Variants in ARHGAP20 observed in about 807,000 individuals in gnomAD.
ARHGAP20 encodes the protein Rho GTPase activating protein 20, also known as rho GTPase-activating protein 20.
ARHGAP20 carries 34 observed loss-of-function variants against 73.7 expected under a neutral mutation model. That is an observed-to-expected ratio of 0.46 (90% CI 0.35 to 0.61). ARHGAP20 has a LOEUF of 0.61. Ranked by LOEUF, ARHGAP20 falls within the 20% of genes least tolerant of loss-of-function variation. The pLI is 0.00. For missense variants in ARHGAP20, 1,314 were observed against 1,420.9 expected (o/e 0.92, Z 1.21); for synonymous variants, 523 against 518.2 (o/e 1.01, Z -0.13).
intron 1 of ARHGAP20, among the ~76,000 whole-genome samples, chr11:110,702,383 T>A (rs1002106059): frequency 6.6e-6 from 1 of 152,134 alleles, no homozygotes; most frequent in Admixed American, 6.5e-5. Flanking sequence ...ATGGGATGTA[T>A]CTCAAAATAA....
intron 10 of ARHGAP20, 61 bp downstream of exon 10, chr11:110,591,916 G>T: frequency 3.2e-6 from 5 of 1,543,224 alleles, no homozygotes; most frequent in Non-Finnish European, 4.4e-6. Flanking sequence ...GATTTACCTC[G>T]CAGAGCTCTC....
intron 1 of ARHGAP20, among the ~76,000 whole-genome samples, chr11:110,695,652 C>T (rs187771744): frequency 9.1e-4 from 137 of 151,324 alleles, no homozygotes; most frequent in African/African-American, 2.9e-3. Flanking sequence ...CACATTAGGA[C>T]GACTATAATA....
intron 1 of ARHGAP20, among the ~76,000 whole-genome samples, chr11:110,693,499 T>C (rs557622977): frequency 6.6e-6 from 1 of 152,092 alleles, no homozygotes; most frequent in Non-Finnish European, 1.5e-5. Context: ...AACCATACAT[T>C]TAGGATTCAC....
chr11:110,703,988 T>C (rs1188274180), intron 1 of ARHGAP20, among the ~76,000 whole-genome samples: 3 of 152,168 alleles, frequency 2.0e-5, no homozygotes, highest in East Asian at 1.9e-4. Context: ...AAGAGGCTAA[T>C]TGTCAGACAC....
intron 2 of ARHGAP20, among the ~76,000 whole-genome samples, chr11:110,652,365 T>C (rs537734429): frequency 1.3e-5 from 2 of 152,172 alleles, no homozygotes; most frequent in South Asian, 2.1e-4. Flanking sequence ...CTATTCAACA[T>C]AGTATCGGAA....
At chr11:110,692,263 T>C (rs369313749) in intron 1 of ARHGAP20, among the ~76,000 whole-genome samples, 5 of 152,216 alleles carry the variant, frequency 3.3e-5, no homozygotes, top group South Asian at 2.1e-4. Context: ...CACTTCCTCA[T>C]GTGAAGAGTC....
intron 3 of ARHGAP20, among the ~76,000 whole-genome samples, chr11:110,630,014 T>C (rs1261482751): frequency 6.6e-6 from 1 of 152,210 alleles, no homozygotes; most frequent in Non-Finnish European, 1.5e-5. Context: ...CACAGGTCCT[T>C]ATAACCTAAC....
In ARHGAP20 at chr11:110,697,933, T is replaced by C. The variant is rs573763664; in HGVS notation, c.106-7304A>G. 2.8e-4 allele frequency among the ~76,000 whole-genome samples: 42 copies of C among 151,760 alleles called. 1 individual carries two copies. The highest frequency in any genetic ancestry group is 5.0e-4 in the Non-Finnish European group (34 of 67,792). ...TCTTTTTTTGGTTCCATATGAACTT[T>C]AGGATTTTTTTCCTAATTGTGTGAA... is the stretch of plus-strand genomic sequence containing the variant. On this transcript the variant is annotated intron_variant, in intron 1 of 14. Coordinates refer to ENST00000683387, the MANE Select transcript of ARHGAP20 (RefSeq NM_001384657.1).
At chr11:110,685,532 T>G (rs1181040324) in intron 2 of ARHGAP20, among the ~76,000 whole-genome samples, 1 of 152,164 alleles carries the variant, frequency 6.6e-6, no homozygotes, top group African/African-American at 2.4e-5. Context: ...CCTCTCCTTA[T>G]GTACTCTAAG....
At chr11:110,584,035 G>A (rs1346944996) in intron 12 of ARHGAP20, among the ~76,000 whole-genome samples, 1 of 151,716 alleles carries the variant, frequency 6.6e-6, no homozygotes, top group Non-Finnish European at 1.5e-5. Flanking sequence ...CCTGAAACTA[G>A]CATAATGCAA....
rs868750709 is a variant in ARHGAP20, at chr11:110,580,918, G to A, written c.2028C>T (p.Ala676=). ...TKIPLRDHAR[A]PSAMCTPSYL... ...AGCTGGGTGTGCACATGGCAGATGG[G>A]GCCCTGGCATGATCCCGCAGTGGGA... The change falls in exon 15 of 15, where the codon GCC becomes GCT. Residue 676 remains alanine (A), a synonymous_variant. Coordinates refer to ENST00000683387, the MANE Select transcript of ARHGAP20 (RefSeq NM_001384657.1). 6.2e-7 allele frequency: 1 copy of A among 1,613,684 alleles called. No individual in the cohort carries two copies. Among genetic ancestry groups the A allele is most frequent in the Middle Eastern group, 1.6e-4 (1 of 6,062 alleles).
At chr11:110,606,827 C>G in intron 8 of ARHGAP20, 78 bp from the exon 9 acceptor site, 1 of 1,218,774 alleles carries the variant, frequency 8.2e-7, no homozygotes. Context: ...TAGGAATGTA[C>G]TGCAATTTAC....
intron 2 of ARHGAP20, among the ~76,000 whole-genome samples, chr11:110,687,775 T>C (rs944275109): frequency 6.6e-6 from 1 of 152,194 alleles, no homozygotes; most frequent in Non-Finnish European, 1.5e-5. Flanking sequence ...TAATAAAGTA[T>C]GTATTTCAAT....
chr11:110,621,752 G>T (rs906835139), intron 4 of ARHGAP20, among the ~76,000 whole-genome samples: 1 of 152,070 alleles, frequency 6.6e-6, no homozygotes, highest in African/African-American at 2.4e-5. Flanking sequence ...TCTCAAGATT[G>T]GTCTCTATTG....
chr11:110,653,464 T>C (rs867286730), intron 2 of ARHGAP20, among the ~76,000 whole-genome samples: 18 of 152,116 alleles, frequency 1.2e-4, no homozygotes, highest in Admixed American at 4.6e-4. Flanking sequence ...AACAAACTTA[T>C]GAAAAAAAGC....
intron 1 of ARHGAP20, among the ~76,000 whole-genome samples, chr11:110,698,559 T>C (rs2135135049): frequency 6.6e-6 from 1 of 151,928 alleles, no homozygotes; most frequent in South Asian, 2.1e-4. Context: ...GCTTTTGTTG[T>C]TCTTGGAAGA....
intron 2 of ARHGAP20, among the ~76,000 whole-genome samples, chr11:110,681,516 A>G (rs1485544491): frequency 6.6e-6 from 1 of 152,170 alleles, no homozygotes; most frequent in African/African-American, 2.4e-5. Context: ...GCAGTTTTTC[A>G]TTCTGTTATG....
chr11:110,596,965 A>G (rs1195742097), intron 9 of ARHGAP20, among the ~76,000 whole-genome samples: 2 of 152,064 alleles, frequency 1.3e-5, no homozygotes, highest in Non-Finnish European at 2.9e-5. Flanking sequence ...GCAGCCATAA[A>G]AAAGGATGAG....
chr11:110,606,670 G>A lies in ARHGAP20; in HGVS notation c.855C>T (p.Thr285=). 1 of 1,606,218 alleles carries A rather than the reference G, an allele frequency of 6.2e-7. No homozygotes were observed. ...ALLTPGSKDS[T]TPFNLQEPFL... Reference sequence around the variant, plus strand: ...AGGGCTCCTGGAGGTTGAAAGGGGTGGTAGAGTCCTTTGATCCCGGTGTCA... The same window carrying A: ...AGGGCTCCTGGAGGTTGAAAGGGGTAGTAGAGTCCTTTGATCCCGGTGTCA... Residue 285 remains threonine (T), a synonymous_variant, in exon 9 of 15, where the codon ACC becomes ACT. Transcript: ENST00000683387.
Sources: gnomAD v4.1 joint callset for allele counts (sites outside exome capture counted in the v4.1 genomes callset) on GRCh38, gnomAD v4.1.1 for gene constraint, MANE v1.5 for transcripts, NCBI Gene and HGNC (gene_info 2026-07-23, HGNC 2026-07-21) for gene names.